The following ZNF782 variants were observed in gnomAD, a reference collection of about 807,000 sequenced individuals.
ZNF782 encodes zinc finger protein 782.
Under a neutral mutation model 13.0 loss-of-function variants are expected in ZNF782, and 12 were observed. The observed-to-expected ratio is 0.92, with a 90% CI of 0.59 to 1.50. The LOEUF (loss-of-function observed/expected upper bound fraction) is 1.50, where lower values mean the gene tolerates loss of function less well. Ranked by LOEUF, ZNF782 falls within the 40% of genes most tolerant of loss-of-function variation. The probability of loss-of-function intolerance (pLI) is 0.00; values close to 1 mark genes in which losing one functional copy is unlikely to be tolerated. For synonymous variants in ZNF782, 284 were observed against 283.0 expected, an observed-to-expected ratio of 1.00 and a Z score of -0.04; for missense variants, 770 against 822.9, an observed-to-expected ratio of 0.94 and a Z score of 0.79.
At chr9:96,832,270 T>C (rs1366818036) in intron 4 of ZNF782, among the ~76,000 whole-genome samples, 1 of 152,222 alleles carries the variant, frequency 6.6e-6, no homozygotes, top group Non-Finnish European at 1.5e-5. Flanking sequence ...CTAAGTCCCT[T>C]ATCTGCTTCC....
chr9:96,907,833 G>T, the ZNF782 span, among the ~76,000 whole-genome samples: 6 of 151,540 alleles, frequency 4.0e-5, no homozygotes, highest in African/African-American at 1.5e-4. Context: ...TAGAGATGGG[G>T]TTTCACCATG....
chr9:96,873,078 AG>A (rs1355466945), intron 1 of ZNF782, among the ~76,000 whole-genome samples: 1 of 140,118 alleles, frequency 7.1e-6, no homozygotes, highest in Non-Finnish European at 1.5e-5. Flanking sequence ...AATCACTGTT[AG>A]TTTTTTTTTT....
the ZNF782 span, among the ~76,000 whole-genome samples, chr9:96,907,743 C>T: frequency 5.3e-5 from 8 of 151,926 alleles, no homozygotes; most frequent in East Asian, 3.9e-4. Flanking sequence ...CGGGTTCAAG[C>T]GATTCTCCTG....
the ZNF782 span, among the ~76,000 whole-genome samples, chr9:96,915,751 T>C: frequency 3.3e-5 from 5 of 151,680 alleles, no homozygotes; most frequent in African/African-American, 7.3e-5. Flanking sequence ...TGATGATTCA[T>C]GTGGCAGTGA....
chr9:96,838,350 T>C (rs1195822631), intron 4 of ZNF782, among the ~76,000 whole-genome samples: 1 of 152,242 alleles, frequency 6.6e-6, no homozygotes, highest in African/African-American at 2.4e-5. Flanking sequence ...TTTCTATTGC[T>C]GTAGTCTAAA....
Position 96,818,570 on chromosome 9 carries a change from T to G in ZNF782, c.1453A>C (p.Lys485Gln), listed in dbSNP as rs1235752290. 6.2e-7 allele frequency: 1 copy of G among 1,613,858 alleles called. No homozygotes were observed. Among genetic ancestry groups the G allele is most frequent in the Admixed American group, 1.7e-5 (1 of 60,016 alleles). Residue 485 changes from lysine to glutamine, a missense_variant, in exon 6 of 6, where the codon AAA becomes CAA. Physicochemically the swap from Lys to Gln is moderately conservative, Grantham distance 53 (BLOSUM62 1). Transcript: ENST00000481138. ...EKPFECNECG[K>Q]SFSHMSGLRN... ...AGGCCTGACATATGGCTGAAAGATT[T>G]CCCGCATTCATTACATTCAAAAGGT...
chr9:96,863,355 A>T (rs563126962), intron 1 of ZNF782, among the ~76,000 whole-genome samples: 2 of 152,186 alleles, frequency 1.3e-5, no homozygotes, highest in South Asian at 2.1e-4. Flanking sequence ...AAAAATAAAA[A>T]AAAAAAAATA....
At position 96,818,953 on chromosome 9, in the gene ZNF782, T is replaced by A; in HGVS notation, c.1070A>T (p.Gln357Leu). ...FSYQSTFSVHQKVHIRAKPYE... is the reference protein window; with the variant it reads ...FSYQSTFSVHLKVHIRAKPYE... ...GGGTTTTGCCCTTATGTGAACCTTC[T>A]GATGTACACTGAAAGTTGACTGGTA... The change falls in exon 6 of 6, where the codon CAG becomes CTG. Residue 357 changes from glutamine to leucine, a missense_variant. Physicochemically the swap from Gln to Leu is moderately radical, Grantham distance 113. Transcript: ENST00000481138. The A allele has an allele frequency of 6.2e-7, 1 of 1,614,234 alleles. No homozygotes were observed. Among genetic ancestry groups the A allele is most frequent in the Non-Finnish European group, 8.5e-7 (1 of 1,180,032 alleles).
chr9:96,919,831 A>G, the ZNF782 span, among the ~76,000 whole-genome samples: 2 of 151,080 alleles, frequency 1.3e-5, no homozygotes, highest in Admixed American at 6.6e-5. Flanking sequence ...GAGTGCTGAG[A>G]TCACAGGCAT....
At chr9:96,907,928 A>C in the ZNF782 span, among the ~76,000 whole-genome samples, 1 of 151,670 alleles carries the variant, frequency 6.6e-6, no homozygotes, top group Non-Finnish European at 1.5e-5. Flanking sequence ...GGTGTGAGCC[A>C]CCGTGCCCGG....
Position 96,817,414 on chromosome 9 carries a change from T to A in ZNF782, c.*509A>T, listed in dbSNP as rs1276129099. The A allele has an allele frequency of 6.5e-6, 1 of 152,736 alleles. No individual in the cohort carries two copies. Among genetic ancestry groups the A allele is most frequent in the East Asian group, 1.9e-4 (1 of 5,206 alleles). The allele number at this position is 152,736 out of a possible 1,614,324, so 9.5% of individuals were successfully genotyped here. ...TGACATGGCAGAAGAATTTCCCACA[T>A]CCATTAACTTCATTTCTTGTTTGTT... On this transcript the variant is annotated 3_prime_UTR_variant, in exon 6 of 6. Transcript: ENST00000481138.
chr9:96,851,048 TTAAAA>T (rs1237344939), intron 3 of ZNF782, among the ~76,000 whole-genome samples: 9 of 152,154 alleles, frequency 5.9e-5, no homozygotes, highest in Non-Finnish European at 1.3e-4. Flanking sequence ...AAGGTGGTTT[TTAAAA>T]TAAAATATCT....
At chr9:96,903,274 T>G in the ZNF782 span, among the ~76,000 whole-genome samples, 16 of 151,970 alleles carry the variant, frequency 1.1e-4, no homozygotes, top group Non-Finnish European at 2.2e-4. Flanking sequence ...GTTGCATCTT[T>G]TTGAGGTTGT....
rs777816431 is a variant in ZNF782 at position 96,819,652 on chromosome 9, C to T, written c.371G>A (p.Arg124Gln). ...EQEISGKPHN[R>Q]DINIFRARMM... ...TCTTGCACGAAAAATGTTTATGTCT[C>T]GATTATGTGGTTTTCCTGAAATTTC... The change falls in exon 6 of 6, where the codon CGA becomes CAA. Residue 124 changes from arginine to glutamine, a missense_variant. Arg to Gln is a conservative substitution (Grantham distance 43, BLOSUM62 1). Coordinates refer to ENST00000481138, the MANE Select transcript of ZNF782 (RefSeq NM_001001662.3). The T allele has an allele frequency of 1.9e-5, 31 of 1,613,762 alleles. No individual in the cohort carries two copies. Among genetic ancestry groups the T allele is most frequent in the Middle Eastern group, 1.6e-4 (1 of 6,084 alleles).
the ZNF782 span, chr9:96,893,834 A>G: frequency 9.0e-5 from 13 of 144,008 alleles, no homozygotes; most frequent in Admixed American, 7.3e-4. Flanking sequence ...CCCCTTCTCT[A>G]CTAAAAATAC....
intron 1 of ZNF782, among the ~76,000 whole-genome samples, chr9:96,873,143 A>C (rs1851847265): frequency 6.6e-6 from 1 of 152,154 alleles, no homozygotes; most frequent in African/African-American, 2.4e-5. Flanking sequence ...AAATCCTAAT[A>C]ATATTGGTAT....
chr9:96,816,657 T>C lies in ZNF782; in HGVS notation c.*1266A>G, dbSNP rs1163964496. The C allele has an allele frequency of 6.6e-6, 1 of 152,250 alleles. No individual in the cohort carries two copies. Among genetic ancestry groups the C allele is most frequent in the Non-Finnish European group, 1.5e-5 (1 of 68,052 alleles). 9.4% of individuals were successfully genotyped at this position (152,250 alleles called of 1,614,324 possible). A position where few individuals can be genotyped will look rare whatever the true frequency, so the allele number is the denominator to read the frequency against. On this transcript the variant is annotated 3_prime_UTR_variant, in exon 6 of 6. Coordinates refer to ENST00000481138, the MANE Select transcript of ZNF782 (RefSeq NM_001001662.3). Reference sequence around the variant, plus strand: ...TTTCTCCTTGTAACAAGCTCTGATATAAAATATGATAATTTGTTGAAAACT... The same window carrying C: ...TTTCTCCTTGTAACAAGCTCTGATACAAAATATGATAATTTGTTGAAAACT...
chr9:96,891,550 CTCTGT>C, the ZNF782 span: 2 of 150,980 alleles, frequency 1.3e-5, no homozygotes, highest in South Asian at 2.1e-4. Flanking sequence ...CCGTGAAATG[CTCTGT>C]TAAGTCTTTT....
Position 96,816,582 on chromosome 9 carries a change from A to G in ZNF782, c.*1341T>C, listed in dbSNP as rs993392549. 2 of 152,192 alleles carry G rather than the reference A, an allele frequency of 1.3e-5. No individual in the cohort carries two copies. The highest frequency in any genetic ancestry group is 2.9e-5 in the Non-Finnish European group (2 of 68,030). The allele number at this position is 152,192 out of a possible 1,614,324, so 9.4% of individuals were successfully genotyped here. A position where few individuals can be genotyped will look rare whatever the true frequency, so the allele number is the denominator to read the frequency against. On this transcript the variant is annotated 3_prime_UTR_variant, in exon 6 of 6. Transcript: ENST00000481138. ...TATATGTGAAACAACAGTTCTGATA[A>G]AGCAATATCTAGATAAAGGCTATTA... is the stretch of plus-strand genomic sequence containing the variant.
Sources: gnomAD v4.1 joint callset for allele counts (sites outside exome capture counted in the v4.1 genomes callset) on GRCh38, gnomAD v4.1.1 for gene constraint, MANE v1.5 for transcripts, NCBI Gene and HGNC (gene_info 2026-07-23, HGNC 2026-07-21) for gene names.